PTGER4: variants seen among roughly 807,000 people sequenced by gnomAD.
The protein encoded by PTGER4 is prostaglandin E2 receptor EP4 subtype.
Under a neutral mutation model 33.2 loss-of-function variants are expected in PTGER4, and 11 were observed. The observed-to-expected ratio is 0.33, with a 90% CI of 0.21 to 0.55. The LOEUF (loss-of-function observed/expected upper bound fraction) is 0.55, where lower values mean the gene tolerates loss of function less well. PTGER4 is among the 20% of genes least tolerant of loss of function. PTGER4 has a pLI of 0.92. For synonymous variants in PTGER4, 275 were observed against 281.5 expected (o/e 0.98, Z 0.23); for missense variants, 481 against 650.2 (o/e 0.74, Z 2.83).
the PTGER4 span, among the ~76,000 whole-genome samples, chr5:40,720,188 T>C: frequency 6.6e-6 from 1 of 152,224 alleles, no homozygotes; most frequent in South Asian, 2.1e-4. Flanking sequence ...TTAGTTCTTA[T>C]GTTTAGGTCT....
the PTGER4 span, among the ~76,000 whole-genome samples, chr5:40,746,002 G>A: frequency 0.67 from 101,885 of 151,866 alleles, 34,307 homozygotes; most frequent in East Asian, 0.8. Context: ...TCTATTAATT[G>A]CATAGTTTTA....
rs923626640 is a variant in PTGER4 at position 40,685,421 on chromosome 5, T to C, written c.867+3561T>C. ...ACTGGAAGTGGAGTCATAAAACAAC[T>C]GATGGGATGTCAGATGAGTGTGAAG... On this transcript the variant is annotated intron_variant, in intron 2 of 2. Coordinates refer to ENST00000302472, the MANE Select transcript of PTGER4 (RefSeq NM_000958.3). The C allele has an allele frequency of 3.3e-5, 33 of 985,422 alleles. No homozygotes were observed. The African/African-American group carries it at 5.4e-4, about 16-fold the overall frequency. 61.0% of individuals were successfully genotyped at this position (985,422 alleles called of 1,614,324 possible). A position where few individuals can be genotyped will look rare whatever the true frequency, so the allele number is the denominator to read the frequency against.
chr5:40,729,984 C>T, the PTGER4 span, among the ~76,000 whole-genome samples: 1 of 152,350 alleles, frequency 6.6e-6, no homozygotes, highest in Admixed American at 6.5e-5. Flanking sequence ...CAGACGTGAG[C>T]CATGGCACCT....
chr5:40,685,300 G>A, intron 2 of PTGER4: 2 of 633,600 alleles, frequency 3.2e-6, no homozygotes, highest in Non-Finnish European at 3.9e-6. Context: ...TAAACTAGTT[G>A]TCTCTATAAA....
chr5:40,738,669 T>C, the PTGER4 span, among the ~76,000 whole-genome samples: 1,111 of 152,008 alleles, frequency 7.3e-3, 8 homozygotes, highest in African/African-American at 0.025. Context: ...TCATGAGCAA[T>C]GTATAAAAGT....
chr5:40,706,465 C>A, the PTGER4 span, among the ~76,000 whole-genome samples: 4 of 151,862 alleles, frequency 2.6e-5, no homozygotes, highest in African/African-American at 4.8e-5. Flanking sequence ...TTACATGTAC[C>A]CCAAACCTAA....
the PTGER4 span, among the ~76,000 whole-genome samples, chr5:40,705,083 G>A: frequency 3.3e-5 from 5 of 152,138 alleles, no homozygotes; most frequent in Non-Finnish European, 7.4e-5. Flanking sequence ...CATACTATGA[G>A]GCTACGGTGA....
chr5:40,691,467 A>G lies in PTGER4; in HGVS notation c.868-312A>G, dbSNP rs1267016788. Among the ~76,000 whole-genome samples, 1 of 152,198 alleles carries G rather than the reference A, an allele frequency of 6.6e-6. No homozygotes were observed. Among genetic ancestry groups the G allele is most frequent in the Non-Finnish European group, 1.5e-5 (1 of 68,036 alleles). On this transcript the variant is annotated intron_variant, in intron 2 of 2. Coordinates refer to ENST00000302472, the MANE Select transcript of PTGER4 (RefSeq NM_000958.3). This position sits in a 1 kb window ranked among gnomAD's most constrained non-coding sequence, Gnocchi z 4.2. ...AATGCTGGGATTACAGGCGTGAGCC[A>G]CCGCACCCAGCCTAATGTTTGTATT...
downstream of PTGER4, among the ~76,000 whole-genome samples, chr5:40,697,150 GAGAA>G (rs1469971306): frequency 3.8e-3 from 402 of 106,426 alleles, 3 homozygotes; most frequent in African/African-American, 0.014. Flanking sequence ...AGGAAAGAAA[GAGAA>G]AGAAAGAAAA....
chr5:40,740,049 CAACAT>C, the PTGER4 span, among the ~76,000 whole-genome samples: 1 of 152,030 alleles, frequency 6.6e-6, no homozygotes, highest in Non-Finnish European at 1.5e-5. Flanking sequence ...GGTTTGAATA[CAACAT>C]AACAGCCTAA....
At chr5:40,705,204 G>A in the PTGER4 span, among the ~76,000 whole-genome samples, 7 of 152,148 alleles carry the variant, frequency 4.6e-5, no homozygotes, top group East Asian at 1.2e-3. Context: ...TGACAAAGCT[G>A]AAAAAAAGAA....
At position 40,692,537 on chromosome 5, in the gene PTGER4, A is replaced by G. The variant is rs1362514962; in HGVS notation, c.*159A>G. 12 of 1,432,212 alleles carry G rather than the reference A, an allele frequency of 8.4e-6. No homozygotes were observed. The highest frequency in any genetic ancestry group is 2.6e-4 in the Middle Eastern group (1 of 3,876). 88.7% of individuals were successfully genotyped at this position (1,432,212 alleles called of 1,614,324 possible). ...CTTTTGAGCACTTTTCAAACAATCA[A>G]GTTGACTCACGTGGGTCCTGAGGCC... On this transcript the variant is annotated 3_prime_UTR_variant, in exon 3 of 3. Transcript: ENST00000302472.
At chr5:40,697,055 AGAAAG>A (rs1741598636), downstream of PTGER4, among the ~76,000 whole-genome samples, 1 of 132,216 alleles carries the variant, frequency 7.6e-6, no homozygotes, top group African/African-American at 2.7e-5. Flanking sequence ...AAGGAAGGAA[AGAAAG>A]AAAAGAAAGA....
At chr5:40,710,709 A>C in the PTGER4 span, among the ~76,000 whole-genome samples, 1 of 152,214 alleles carries the variant, frequency 6.6e-6, no homozygotes, top group Admixed American at 6.5e-5. Context: ...TGGATTAAGA[A>C]AATGTGGCAC....
At chr5:40,737,831 T>C in the PTGER4 span, among the ~76,000 whole-genome samples, 7 of 152,222 alleles carry the variant, frequency 4.6e-5, no homozygotes, top group Admixed American at 2.6e-4. Flanking sequence ...AAAATTGGAA[T>C]CAGACGGTAT....
rs960078546 is a variant in PTGER4 at position 40,693,397 on chromosome 5, C to G, written c.*1019C>G. ...TTTCCTAAGGAATTACCAAGAATAT[C>G]CTTTAAAATTTAAAAGGATGGCAAG... On this transcript the variant is annotated 3_prime_UTR_variant, in exon 3 of 3. Transcript: ENST00000302472. 25 of 984,418 alleles carry G rather than the reference C, an allele frequency of 2.5e-5. No homozygotes were observed. Among genetic ancestry groups the G allele is most frequent in the Non-Finnish European group, 2.5e-5 (21 of 828,776 alleles). The allele number at this position is 984,418 out of a possible 1,614,324, so 61.0% of individuals were successfully genotyped here. A position where few individuals can be genotyped will look rare whatever the true frequency, so the allele number is the denominator to read the frequency against.
At chr5:40,687,835 T>A (rs926962108) in intron 2 of PTGER4, among the ~76,000 whole-genome samples, 1 of 152,220 alleles carries the variant, frequency 6.6e-6, no homozygotes, top group African/African-American at 2.4e-5. Context: ...GTTCAGTGGC[T>A]TGTACTAATT....
chr5:40,742,828 T>C, the PTGER4 span, among the ~76,000 whole-genome samples: 1 of 152,234 alleles, frequency 6.6e-6, no homozygotes, highest in African/African-American at 2.4e-5. Context: ...CTCAGAATAC[T>C]ATATTCTAAT....
At chr5:40,722,523 G>T in the PTGER4 span, among the ~76,000 whole-genome samples, 1 of 149,742 alleles carries the variant, frequency 6.7e-6, no homozygotes, top group African/African-American at 2.5e-5. Flanking sequence ...CCACCTCCCC[G>T]TCTGGAATGT....
Sources: gnomAD v4.1 joint callset for allele counts (sites outside exome capture counted in the v4.1 genomes callset) on GRCh38, gnomAD v4.1.1 for gene constraint, Gnocchi (gnomAD v3.1) non-coding constraint, MANE v1.5 for transcripts, NCBI Gene and HGNC (gene_info 2026-07-23, HGNC 2026-07-21) for gene names.